Variants in PPP2R3A observed in about 807,000 individuals in gnomAD.
PPP2R3A encodes the protein protein phosphatase 2 regulatory subunit B''alpha.
A neutral mutation model predicts 106.9 loss-of-function variants in PPP2R3A; 80 were observed. That is an observed-to-expected ratio of 0.75 (90% confidence interval 0.62 to 0.90). PPP2R3A has a LOEUF of 0.90. PPP2R3A is among the 40% of genes least tolerant of loss of function. The pLI, the probability that PPP2R3A is intolerant of heterozygous loss-of-function variation, is 0.00. For synonymous variants in PPP2R3A, 483 were observed against 468.3 expected (o/e 1.03, Z -0.41); for missense variants, 1,386 against 1,350.4 (o/e 1.03, Z -0.41).
chr3:136,060,125 G>A (rs749191016), intron 5 of PPP2R3A, among the ~76,000 whole-genome samples: 2 of 152,056 alleles, frequency 1.3e-5, no homozygotes, highest in Non-Finnish European at 2.9e-5. Context: ...ATGAGCACCC[G>A]AACTTAAAAC....
intron 1 of PPP2R3A, among the ~76,000 whole-genome samples, chr3:135,977,688 CTTTTTTTTTTT>C (rs66592538): frequency 1.6e-5 from 1 of 61,098 alleles, no homozygotes; most frequent in Non-Finnish European, 2.9e-5. Context: ...GATCAGCATT[CTTTTTTTTTTT>C]TTTTTTTTTT....
intron 13 of PPP2R3A, among the ~76,000 whole-genome samples, chr3:136,123,022 AG>A (rs1422876082): frequency 5.3e-5 from 8 of 152,314 alleles, no homozygotes; most frequent in African/African-American, 1.9e-4. Context: ...TAATGGATAA[AG>A]GGTTTTAGTT....
intron 13 of PPP2R3A, among the ~76,000 whole-genome samples, chr3:136,126,509 T>A (rs1938187847): frequency 6.6e-6 from 1 of 152,224 alleles, no homozygotes; most frequent in Non-Finnish European, 1.5e-5. Context: ...CAACAATGCC[T>A]ACTGCAACTC....
intron 13 of PPP2R3A, among the ~76,000 whole-genome samples, chr3:136,107,939 G>A (rs1937542795): frequency 1.3e-5 from 2 of 152,144 alleles, no homozygotes; most frequent in African/African-American, 2.4e-5. Context: ...TTGGCCAGGC[G>A]CAGTCACTCA....
At chr3:136,051,033 C>G (rs1350467910) in intron 5 of PPP2R3A, among the ~76,000 whole-genome samples, 4 of 152,232 alleles carry the variant, frequency 2.6e-5, no homozygotes, top group Admixed American at 2.6e-4. Flanking sequence ...CTAGGCCTTC[C>G]CATGGGAATC....
intron 1 of PPP2R3A, among the ~76,000 whole-genome samples, chr3:135,993,243 A>G (rs1296002620): frequency 6.6e-6 from 1 of 152,176 alleles, no homozygotes; most frequent in Non-Finnish European, 1.5e-5. Context: ...GAGATGACCC[A>G]AAAGATTCTG....
At chr3:136,132,263 G>C (rs926078687) in intron 13 of PPP2R3A, among the ~76,000 whole-genome samples, 1 of 152,102 alleles carries the variant, frequency 6.6e-6, no homozygotes, top group Non-Finnish European at 1.5e-5. Context: ...GGGGGTCCTA[G>C]CCAGGGCAGT....
At chr3:136,060,427 C>A (rs1936036684) in intron 5 of PPP2R3A, among the ~76,000 whole-genome samples, 1 of 152,166 alleles carries the variant, frequency 6.6e-6, no homozygotes, top group African/African-American at 2.4e-5. Flanking sequence ...AAGGTGGGGC[C>A]TGGTGGGAGA....
intron 5 of PPP2R3A, among the ~76,000 whole-genome samples, chr3:136,050,246 ACT>A (rs1935637336): frequency 6.6e-6 from 1 of 152,116 alleles, no homozygotes; most frequent in Non-Finnish European, 1.5e-5. Flanking sequence ...GAAATTTTAA[ACT>A]CTGTGTGTTG....
rs140680646 is a variant in PPP2R3A at position 136,101,328 on chromosome 3, A to G, written c.2928-679A>G. ...GCAAGTTAACTGTGTTAAGAGGATG[A>G]GAAGGGCGTGTAGGTAAAGTGGTGA... On this transcript the variant is annotated intron_variant, in intron 10 of 13. Coordinates refer to ENST00000264977, the MANE Select transcript of PPP2R3A (RefSeq NM_002718.5). 1.3e-3 allele frequency among the ~76,000 whole-genome samples: 200 copies of G among 152,360 alleles called. 1 individual carries two copies. The highest frequency in any genetic ancestry group is 4.4e-3 in the African/African-American group (185 of 41,582).
intron 8 of PPP2R3A, among the ~76,000 whole-genome samples, chr3:136,087,035 C>G (rs760398068): frequency 6.6e-6 from 1 of 152,058 alleles, no homozygotes; most frequent in East Asian, 1.9e-4. Flanking sequence ...AACCCCATCG[C>G]TAATAAAAAT....
At position 136,023,133 on chromosome 3, in the gene PPP2R3A, G is replaced by GC. The variant is rs1264768052; in HGVS notation, c.1996-3698dup. The GC allele has an allele frequency of 1.9e-6, 3 of 1,613,366 alleles. No individual in the cohort carries two copies. In the African/African-American group the frequency reaches 4.0e-5, roughly 22 times the overall value. ...TTTAAGGGGAGAGCTAGCTTTCCTG[G>GC]CAAGGGGCTGTGATTTTGTTCTCCC... On this transcript the variant is annotated intron_variant, in intron 2 of 13. Coordinates refer to ENST00000264977, the MANE Select transcript of PPP2R3A (RefSeq NM_002718.5).
At chr3:135,975,299 A>G (rs190196226) in intron 1 of PPP2R3A, among the ~76,000 whole-genome samples, 120 of 152,320 alleles carry the variant, frequency 7.9e-4, no homozygotes, top group African/African-American at 2.4e-3. Context: ...ACATCTAGTG[A>G]CAGTCTATCT....
At chr3:136,072,459 G>C (rs767043295) in intron 6 of PPP2R3A, among the ~76,000 whole-genome samples, 2 of 152,128 alleles carry the variant, frequency 1.3e-5, no homozygotes, top group Non-Finnish European at 2.9e-5. Context: ...AGGTGTGGTG[G>C]TGCACACCTG....
At chr3:136,008,170 A>C (rs965971788) in intron 2 of PPP2R3A, among the ~76,000 whole-genome samples, 1 of 152,234 alleles carries the variant, frequency 6.6e-6, no homozygotes, top group Non-Finnish European at 1.5e-5. Flanking sequence ...GTGGAGCCTT[A>C]ATAAACACTT....
Position 136,143,127 on chromosome 3 carries a change from A to G in PPP2R3A, c.3330-1916A>G, listed in dbSNP as rs147173443. Among the ~76,000 whole-genome samples the G allele has an allele frequency of 6.4e-3, 982 of 152,372 alleles. 10 individuals carry two copies. The highest frequency in any genetic ancestry group is 0.023 in the African/African-American group (953 of 41,586). On this transcript the variant is annotated intron_variant, in intron 13 of 13. Transcript: ENST00000264977. Reference sequence around the variant, plus strand: ...ACTTTTGACAGTATCATAAACTGGTAGTCATAGGGAACAATTTTCTATCAA... The same window carrying G: ...ACTTTTGACAGTATCATAAACTGGTGGTCATAGGGAACAATTTTCTATCAA...
chr3:135,974,934 A>G (rs1222822147), intron 1 of PPP2R3A, among the ~76,000 whole-genome samples: 1 of 152,214 alleles, frequency 6.6e-6, no homozygotes, highest in Non-Finnish European at 1.5e-5. Context: ...TATCCCTTCC[A>G]TTTTGTAGAT....
chr3:136,142,081 A>C (rs898382072), intron 13 of PPP2R3A, among the ~76,000 whole-genome samples: 3 of 152,196 alleles, frequency 2.0e-5, no homozygotes, highest in African/African-American at 7.2e-5. Context: ...CTGAGGCTGG[A>C]CATAGTTTGG....
intron 10 of PPP2R3A, among the ~76,000 whole-genome samples, chr3:136,095,866 G>A (rs1035405843): frequency 3.9e-5 from 6 of 152,138 alleles, no homozygotes; most frequent in African/African-American, 1.2e-4. Flanking sequence ...TGGCAAAAAT[G>A]TCAGTACAGA....
Sources: allele counts gnomAD v4.1 joint callset (sites outside exome capture counted in the v4.1 genomes callset), GRCh38; gene constraint gnomAD v4.1.1; transcripts MANE v1.5; gene names NCBI Gene and HGNC (gene_info 2026-07-23, HGNC 2026-07-21).